Variants in FAXC observed in about 807,000 individuals in gnomAD.
FAXC encodes the protein failed axon connections homolog, metaxin like GST domain containing.
In FAXC, 10 loss-of-function variants were observed where a neutral mutation model predicts 41.9. The ratio of observed to expected loss-of-function variants is 0.24; its 90% confidence interval spans 0.15 to 0.41. The LOEUF (loss-of-function observed/expected upper bound fraction) is 0.41, where lower values mean the gene tolerates loss of function less well. Ranked by LOEUF, FAXC falls within the 10% of genes least tolerant of loss-of-function variation. The pLI, the probability that FAXC is intolerant of heterozygous loss-of-function variation, is 1.00. For synonymous variants in FAXC, 183 were observed against 183.8 expected (o/e 1.00, Z 0.03); for missense variants, 399 against 510.9 (o/e 0.78, Z 2.11).
At chr6:99,324,665 C>G (rs1435358036) in intron 3 of FAXC, among the ~76,000 whole-genome samples, 1 of 152,144 alleles carries the variant, frequency 6.6e-6, no homozygotes, top group African/African-American at 2.4e-5. Flanking sequence ...GTACCCAGGT[C>G]TTTGCTGATT....
At chr6:99,282,811 T>C (rs762540790) in intron 5 of FAXC, among the ~76,000 whole-genome samples, 1 of 152,148 alleles carries the variant, frequency 6.6e-6, no homozygotes, top group Admixed American at 6.6e-5. Context: ...AAAAAACAGA[T>C]AAGCAAAAAA....
chr6:99,333,639 T>C, intron 2 of FAXC, 92 bp from the exon 3 acceptor site: 4 of 1,105,890 alleles, frequency 3.6e-6, no homozygotes, highest in South Asian at 1.6e-5. Flanking sequence ...AACCTTATGT[T>C]TGATAGTGAC....
intron 4 of FAXC, among the ~76,000 whole-genome samples, chr6:99,304,283 C>T (rs111508519): frequency 0.048 from 7,251 of 151,648 alleles, 476 homozygotes; most frequent in East Asian, 0.35. Context: ...CAAAATTCTG[C>T]CTCAAAAAAT....
intron 4 of FAXC, among the ~76,000 whole-genome samples, chr6:99,313,439 C>T (rs1024433046): frequency 1.3e-5 from 2 of 152,138 alleles, no homozygotes; most frequent in African/African-American, 4.8e-5. Flanking sequence ...TTTATAAAAG[C>T]TCTTCAAATG....
chr6:99,317,667 T>A (rs1354073484), intron 4 of FAXC, among the ~76,000 whole-genome samples: 1 of 152,214 alleles, frequency 6.6e-6, no homozygotes. Flanking sequence ...GTTTTTCTTA[T>A]CTGTCAAATG....
intron 4 of FAXC, among the ~76,000 whole-genome samples, chr6:99,321,855 C>T (rs1772600386): frequency 6.6e-6 from 1 of 152,220 alleles, no homozygotes; most frequent in Non-Finnish European, 1.5e-5. Flanking sequence ...AAAAGCAACA[C>T]TGTTAAAGAT....
chr6:99,345,892 T>G (rs1773573563), intron 1 of FAXC, among the ~76,000 whole-genome samples: 1 of 152,240 alleles, frequency 6.6e-6, no homozygotes, highest in Non-Finnish European at 1.5e-5. Flanking sequence ...ACAATATTTA[T>G]TTTAAAATAT....
chr6:99,329,888 A>G (rs1444644477), intron 3 of FAXC, among the ~76,000 whole-genome samples: 2 of 150,424 alleles, frequency 1.3e-5, no homozygotes, highest in Admixed American at 1.3e-4. Flanking sequence ...ACACACAGGC[A>G]TTAGAACAAT....
chr6:99,311,680 A>AC (rs1477226850), intron 4 of FAXC, among the ~76,000 whole-genome samples: 12 of 152,098 alleles, frequency 7.9e-5, no homozygotes, highest in African/African-American at 2.9e-4. Context: ...TGTAAAAAAG[A>AC]CCCCTCCTCA....
rs530781941 is a variant in FAXC at position 99,272,278 on chromosome 6, C to A, written c.*8886G>T. 1 of 151,822 alleles carries A rather than the reference C, an allele frequency of 6.6e-6. No individual in the cohort carries two copies. The highest frequency in any genetic ancestry group is 1.5e-5 in the Non-Finnish European group (1 of 68,054). The allele number at this position is 151,822 out of a possible 1,614,324, so 9.4% of individuals were successfully genotyped here. On this transcript the variant is annotated 3_prime_UTR_variant, in exon 6 of 6. Coordinates refer to ENST00000389677, the MANE Select transcript of FAXC (RefSeq NM_032511.4). The stretch of plus-strand genomic sequence containing the variant: ...GCAGCCTCCACCTCCTGGGTTCAAG[C>A]GATTCTCCTGCCTCAGCCTCCCAAG...
At chr6:99,340,499 G>T (rs1348239166) in intron 2 of FAXC, among the ~76,000 whole-genome samples, 2 of 150,582 alleles carry the variant, frequency 1.3e-5, no homozygotes, top group African/African-American at 2.5e-5. Flanking sequence ...GCCACTGAAG[G>T]TTTGCCACAT....
At chr6:99,333,587 G>T in intron 2 of FAXC, 40 bp from the exon 3 acceptor site, 1 of 1,488,710 alleles carries the variant, frequency 6.7e-7, no homozygotes, top group South Asian at 1.3e-5. Context: ...AAGCAATATT[G>T]TATTTAAATT....
chr6:99,325,104 G>GTT (rs11384726), intron 3 of FAXC, among the ~76,000 whole-genome samples: 230 of 148,292 alleles, frequency 1.6e-3, no homozygotes, highest in African/African-American at 3.2e-3. Context: ...TTTAAGGTTT[G>GTT]TTTTTTTTTT....
rs548335423 is a variant in FAXC, at chr6:99,337,581, C to T, written c.403-4034G>A. 2.0e-5 allele frequency among the ~76,000 whole-genome samples: 3 copies of T among 152,244 alleles called. No individual in the cohort carries two copies. The East Asian group carries it at 5.8e-4, about 29-fold the overall frequency. ...TACTGTTTGGAATTTTTCTAAGGAC[C>T]ATATATCATCTACACATAATCAGAA... On this transcript the variant is annotated intron_variant, in intron 2 of 5. Transcript: ENST00000389677.
chr6:99,301,662 G>A (rs1332378470), intron 4 of FAXC, among the ~76,000 whole-genome samples: 1 of 152,166 alleles, frequency 6.6e-6, no homozygotes, highest in African/African-American at 2.4e-5. Flanking sequence ...GAATCCTCCT[G>A]CTAAAATCAG....
intron 3 of FAXC, among the ~76,000 whole-genome samples, chr6:99,328,346 C>A (rs1204747390): frequency 6.6e-6 from 1 of 152,166 alleles, no homozygotes; most frequent in Non-Finnish European, 1.5e-5. Context: ...ATAAAAGAGA[C>A]CCCAGAGAGC....
At chr6:99,328,616 C>G (rs1772911774) in intron 3 of FAXC, among the ~76,000 whole-genome samples, 1 of 152,208 alleles carries the variant, frequency 6.6e-6, no homozygotes. Context: ...GCTCCCTCTG[C>G]CTAGACATCC....
intron 4 of FAXC, among the ~76,000 whole-genome samples, chr6:99,316,040 C>T (rs1772336871): frequency 6.6e-6 from 1 of 152,162 alleles, no homozygotes; most frequent in Non-Finnish European, 1.5e-5. Flanking sequence ...TCTGTGCTGC[C>T]TCATCATGAT....
At chr6:99,334,679 T>C in intron 2 of FAXC, 1 of 735,272 alleles carries the variant, frequency 1.4e-6, no homozygotes, top group Non-Finnish European at 1.7e-6. Flanking sequence ...TCTGGACTCT[T>C]GTCATTCTCA....
Sources: gnomAD v4.1 joint callset for allele counts (sites outside exome capture counted in the v4.1 genomes callset) on GRCh38, gnomAD v4.1.1 for gene constraint, MANE v1.5 for transcripts, NCBI Gene and HGNC (gene_info 2026-07-23, HGNC 2026-07-21) for gene names.